Variants in RASSF3 observed in about 807,000 individuals in gnomAD.
The protein encoded by RASSF3 is ras association domain-containing protein 3.
RASSF3 carries 19 observed loss-of-function variants against 19.9 expected under a neutral mutation model. The observed-to-expected ratio is 0.96, with a 90% confidence interval of 0.67 to 1.40. RASSF3 has a LOEUF of 1.40. RASSF3 is among the 40% of genes most tolerant of loss of function. The probability of loss-of-function intolerance (pLI) is 0.00; values close to 1 mark genes in which losing one functional copy is unlikely to be tolerated. For missense variants in RASSF3, 306 were observed against 289.8 expected, an observed-to-expected ratio of 1.06 and a Z score of -0.41; for synonymous variants, 110 against 104.2, an observed-to-expected ratio of 1.06 and a Z score of -0.34.
intron 1 of RASSF3, among the ~76,000 whole-genome samples, chr12:64,615,764 C>T (rs1023054833): frequency 6.7e-6 from 1 of 150,184 alleles, no homozygotes; most frequent in Non-Finnish European, 1.5e-5. Context: ...ACATCTGCCT[C>T]CTGGGTTCAA....
chr12:64,528,288 A>T (rs915917886), upstream of RASSF3, among the ~76,000 whole-genome samples: 1 of 152,206 alleles, frequency 6.6e-6, no homozygotes, highest in African/African-American at 2.4e-5. Context: ...AAAGAATTTT[A>T]AAAAAGAAAT....
At chr12:64,586,972 T>C (rs1237128355) in intron 2 of RASSF3, among the ~76,000 whole-genome samples, 2 of 151,472 alleles carry the variant, frequency 1.3e-5, no homozygotes, top group Non-Finnish European at 2.9e-5. Context: ...ACTACTCAGC[T>C]CATAAGTCAA....
chr12:64,644,696 C>T (rs1003486950), intron 1 of RASSF3, among the ~76,000 whole-genome samples: 18 of 42,648 alleles, frequency 4.2e-4, no homozygotes, highest in African/African-American at 2.0e-3. Flanking sequence ...CTGTCTCCAA[C>T]CAAAAACAAA....
chr12:64,560,985 C>G (rs1453418472), intron 2 of RASSF3, among the ~76,000 whole-genome samples: 2 of 152,312 alleles, frequency 1.3e-5, no homozygotes, highest in South Asian at 2.1e-4. Flanking sequence ...AAGAATGAGT[C>G]TGTATTAGTA....
chr12:64,610,018 G>C (rs1189166709), upstream of RASSF3, among the ~76,000 whole-genome samples: 2 of 152,150 alleles, frequency 1.3e-5, no homozygotes, highest in African/African-American at 2.4e-5. Flanking sequence ...ACTGGGCGTT[G>C]CGGCTGCAGG....
At chr12:64,610,268 G>A (rs1381314656), upstream of RASSF3, among the ~76,000 whole-genome samples, 1 of 152,024 alleles carries the variant, frequency 6.6e-6, no homozygotes. Context: ...CCTAGCGCCC[G>A]GCTTTCCGGG....
intron 2 of RASSF3, among the ~76,000 whole-genome samples, chr12:64,581,994 G>A (rs1444657435): frequency 1.3e-5 from 2 of 151,822 alleles, no homozygotes; most frequent in Non-Finnish European, 2.9e-5. Context: ...TCAGTCTCCT[G>A]AGTAGCTGGG....
At chr12:64,632,547 A>G (rs1871201813) in intron 1 of RASSF3, among the ~76,000 whole-genome samples, 1 of 152,088 alleles carries the variant, frequency 6.6e-6, no homozygotes, top group African/African-American at 2.4e-5. Context: ...GAGTTGTCAC[A>G]TTGGCACCTG....
At chr12:64,566,687 T>C (rs116481415) in intron 2 of RASSF3, among the ~76,000 whole-genome samples, 224 of 152,092 alleles carry the variant, frequency 1.5e-3, no homozygotes, top group African/African-American at 5.1e-3. Flanking sequence ...TGCTCGGGAA[T>C]TTTCATAGCT....
intron 2 of RASSF3, among the ~76,000 whole-genome samples, chr12:64,594,972 GACACAGACACAC>G (rs999754583): frequency 2.8e-4 from 41 of 148,006 alleles, no homozygotes; most frequent in African/African-American, 9.2e-4. Flanking sequence ...TGACTCCAAA[GACACAGACACAC>G]ACACAGACAC....
chr12:64,562,349 C>T (rs554985436), intron 2 of RASSF3, among the ~76,000 whole-genome samples: 2 of 152,204 alleles, frequency 1.3e-5, no homozygotes, highest in Admixed American at 6.5e-5. Context: ...GTACCCACCG[C>T]ATTTATCTTG....
chr12:64,605,661 A>G (rs376569002), upstream of RASSF3, among the ~76,000 whole-genome samples: 919 of 152,180 alleles, frequency 6.0e-3, 10 homozygotes, highest in African/African-American at 0.021. Flanking sequence ...AGGCTGAGGC[A>G]GGTGGATCAA....
At position 64,520,571 on chromosome 12, in the gene RASSF3, T is replaced by C. The variant is rs1322862407; in HGVS notation, c.169+13242T>C. On this transcript the variant is annotated intron_variant, in intron 1 of 5. Coordinates refer to the RASSF3 transcript ENST00000637125. ...ACATACACACATATATATATATATA[T>C]ATATATATATATATATATATATATG... Among the ~76,000 whole-genome samples, 233 of 36,274 alleles carry C rather than the reference T, an allele frequency of 6.4e-3. 4 individuals are homozygous for C. The highest frequency in any genetic ancestry group is 0.02 in the African/African-American group (159 of 7,918). 23.8% of individuals were successfully genotyped at this position (36,274 alleles called of 152,430 possible).
At chr12:64,675,684 T>C (rs989957278) in intron 1 of RASSF3, among the ~76,000 whole-genome samples, 56 of 152,190 alleles carry the variant, frequency 3.7e-4, no homozygotes, top group African/African-American at 1.3e-3. Context: ...CACTTACTTT[T>C]CCTACCCTGA....
chr12:64,560,982 A>C (rs186323471), intron 2 of RASSF3, among the ~76,000 whole-genome samples: 161 of 152,344 alleles, frequency 1.1e-3, no homozygotes, highest in African/African-American at 3.7e-3. Context: ...GTAAAGAATG[A>C]GTCTGTATTA....
At chr12:64,535,887 A>G (rs1029103763) in intron 1 of RASSF3, among the ~76,000 whole-genome samples, 2 of 150,922 alleles carry the variant, frequency 1.3e-5, no homozygotes, top group African/African-American at 4.9e-5. Context: ...GGGTTTCTCC[A>G]TGTTGGTCAA....
At chr12:64,538,198 G>GC (rs1281977789) in intron 1 of RASSF3, among the ~76,000 whole-genome samples, 2 of 151,870 alleles carry the variant, frequency 1.3e-5, no homozygotes, top group African/African-American at 4.8e-5. Flanking sequence ...TCCCTATGTT[G>GC]CCCAGGCTGG....
intron 2 of RASSF3, among the ~76,000 whole-genome samples, chr12:64,581,972 G>C (rs1228007199): frequency 6.6e-6 from 1 of 151,822 alleles, no homozygotes; most frequent in African/African-American, 2.4e-5. Flanking sequence ...GGCTCAAACA[G>C]ATCCTTCCAC....
At chr12:64,559,339 G>A (rs1319962946) in intron 2 of RASSF3, among the ~76,000 whole-genome samples, 1 of 151,468 alleles carries the variant, frequency 6.6e-6, no homozygotes, top group Non-Finnish European at 1.5e-5. Context: ...CACCTCCCGG[G>A]TTCATGCCAT....
Sources: gnomAD v4.1 joint callset for allele counts (sites outside exome capture counted in the v4.1 genomes callset) on GRCh38, gnomAD v4.1.1 for gene constraint, MANE v1.5 for transcripts, NCBI Gene and HGNC (gene_info 2026-07-23, HGNC 2026-07-21) for gene names.